Variants in SPOCK1 observed in about 807,000 individuals in gnomAD.
SPOCK1 encodes the protein testican-1.
A neutral mutation model predicts 55.3 loss-of-function variants in SPOCK1; 23 were observed. That is an observed-to-expected ratio of 0.42 (90% confidence interval 0.30 to 0.59). The LOEUF (loss-of-function observed/expected upper bound fraction) is 0.59. Among genes scored for constraint, SPOCK1 ranks in the 20% least tolerant of loss-of-function variants. The pLI is 0.22. For synonymous variants in SPOCK1, 226 were observed against 221.0 expected, an observed-to-expected ratio of 1.02 and a Z score of -0.20; for missense variants, 499 against 552.5, an observed-to-expected ratio of 0.90 and a Z score of 0.97.
chr5:137,327,486 A>G (rs747236982), intron 2 of SPOCK1, among the ~76,000 whole-genome samples: 2 of 152,212 alleles, frequency 1.3e-5, no homozygotes, highest in East Asian at 1.9e-4. Context: ...CAATACAACT[A>G]TATCTATTTT....
chr5:137,370,408 C>T (rs2092461947), intron 2 of SPOCK1, among the ~76,000 whole-genome samples: 1 of 152,294 alleles, frequency 6.6e-6, no homozygotes, highest in East Asian at 1.9e-4. Flanking sequence ...GCTAATAAGG[C>T]TCTAACAGGC....
intron 2 of SPOCK1, among the ~76,000 whole-genome samples, chr5:137,270,774 G>A (rs754906938): frequency 6.6e-5 from 10 of 152,126 alleles, no homozygotes; most frequent in Non-Finnish European, 8.8e-5. Flanking sequence ...AGGCTGAGGT[G>A]GGTGGATCAC....
chr5:137,162,693 T>C (rs1373682287), intron 3 of SPOCK1, among the ~76,000 whole-genome samples: 4 of 152,148 alleles, frequency 2.6e-5, no homozygotes, highest in Admixed American at 6.5e-5. Context: ...TCTGTAGTTA[T>C]AAAGTCGACA....
intron 3 of SPOCK1, among the ~76,000 whole-genome samples, chr5:137,224,440 G>T (rs928812479): frequency 1.3e-5 from 2 of 152,170 alleles, no homozygotes; most frequent in African/African-American, 4.8e-5. Flanking sequence ...GGTCCATAAG[G>T]AGAAAACAGC....
chr5:137,262,685 G>T (rs529581859), intron 3 of SPOCK1, among the ~76,000 whole-genome samples: 18 of 152,308 alleles, frequency 1.2e-4, no homozygotes, highest in Non-Finnish European at 2.2e-4. Context: ...CAATAATGGG[G>T]ATCTGGAGTG....
chr5:137,189,825 A>G (rs891131101), intron 3 of SPOCK1, among the ~76,000 whole-genome samples: 1 of 152,148 alleles, frequency 6.6e-6, no homozygotes, highest in Non-Finnish European at 1.5e-5. Flanking sequence ...TCTATATGCC[A>G]TTAAATACAT....
intron 4 of SPOCK1, among the ~76,000 whole-genome samples, chr5:137,135,546 A>G (rs1753967641): frequency 6.6e-6 from 1 of 152,216 alleles, no homozygotes; most frequent in South Asian, 2.1e-4. Context: ...CCCATTTACC[A>G]ATGGGATCCT....
At chr5:137,175,579 G>T (rs542420714) in intron 3 of SPOCK1, among the ~76,000 whole-genome samples, 1 of 152,186 alleles carries the variant, frequency 6.6e-6, no homozygotes, top group Non-Finnish European at 1.5e-5. Context: ...CAGGCTTTGG[G>T]TTCTAATCCC....
At position 137,360,750 on chromosome 5, in the gene SPOCK1, A is replaced by C. The variant is rs552902553; in HGVS notation, c.187-93695T>G. 4.6e-5 allele frequency among the ~76,000 whole-genome samples: 7 copies of C among 152,330 alleles called. No homozygotes were observed. The South Asian group carries it at 1.4e-3, about 32-fold the overall frequency. The stretch of plus-strand genomic sequence containing the variant: ...CTCAGAAGACTGTCTACCATCCCAA[A>C]GAAAGCTGGTAGATCAGGGTTTCTC... On this transcript the variant is annotated intron_variant, in intron 2 of 10. Transcript: ENST00000394945.
intron 6 of SPOCK1, among the ~76,000 whole-genome samples, chr5:137,038,911 G>A (rs900184266): frequency 7.9e-5 from 12 of 152,064 alleles, no homozygotes; most frequent in African/African-American, 2.9e-4. Context: ...CTATATGTCC[G>A]GCATATAGTA....
At chr5:137,106,417 A>G (rs1753368602) in intron 5 of SPOCK1, among the ~76,000 whole-genome samples, 1 of 152,198 alleles carries the variant, frequency 6.6e-6, no homozygotes, top group African/African-American at 2.4e-5. Context: ...AAAGGATTCC[A>G]GAAGTGCTGG....
chr5:137,191,366 C>T (rs969364944), intron 3 of SPOCK1, among the ~76,000 whole-genome samples: 2 of 151,700 alleles, frequency 1.3e-5, no homozygotes, highest in African/African-American at 4.9e-5. Context: ...GCTAAGCAAA[C>T]CACAGGATCT....
rs1263820341 is a variant in SPOCK1, at chr5:137,430,665, T to C, written c.186+67708A>G. ...ATGTCTTCCTTGGTTGGAGAAGATT[T>C]TGACATAAAATTTGTTTCCAGTTAA... is the stretch of plus-strand genomic sequence containing the variant. On this transcript the variant is annotated intron_variant, in intron 2 of 10. Coordinates refer to ENST00000394945, the MANE Select transcript of SPOCK1 (RefSeq NM_004598.4). 2.0e-5 allele frequency among the ~76,000 whole-genome samples: 3 copies of C among 152,344 alleles called. No homozygotes were observed. The East Asian group carries it at 5.8e-4, about 29-fold the overall frequency.
rs568745952 is a variant in SPOCK1, at chr5:137,485,922, G to T, written c.186+12451C>A. Among the ~76,000 whole-genome samples the T allele has an allele frequency of 4.6e-5, 7 of 152,274 alleles. No individual in the cohort carries two copies. In the South Asian group the frequency reaches 1.5e-3, roughly 32 times the overall value. ...ATTCTATCTCCTGATCTGGCTGTTT[G>T]GGTGTGTTCACTTTGAGAAACTGCA... On this transcript the variant is annotated intron_variant, in intron 2 of 10. Coordinates refer to ENST00000394945, the MANE Select transcript of SPOCK1 (RefSeq NM_004598.4).
rs929713683 is a variant in SPOCK1, at chr5:137,198,036, C to T, written c.233-57342G>A. Among the ~76,000 whole-genome samples, 5 of 152,138 alleles carry T rather than the reference C, an allele frequency of 3.3e-5. No individual in the cohort carries two copies. In the East Asian group the frequency reaches 5.8e-4, roughly 18 times the overall value. On this transcript the variant is annotated intron_variant, in intron 3 of 10. Transcript: ENST00000394945. ...TATAGACATAATAGAGTGTTTTTTT[C>T]GTTATATTGACATCAGTATTTTTCT...
intron 2 of SPOCK1, among the ~76,000 whole-genome samples, chr5:137,402,299 C>T (rs1195006887): frequency 2.6e-5 from 4 of 152,286 alleles, no homozygotes; most frequent in East Asian, 1.9e-4. Flanking sequence ...TCTAGTTCAT[C>T]GGAGGTTAAT....
At chr5:137,422,003 A>C (rs1026974021) in intron 2 of SPOCK1, among the ~76,000 whole-genome samples, 7 of 152,110 alleles carry the variant, frequency 4.6e-5, no homozygotes, top group African/African-American at 1.7e-4. Flanking sequence ...GTAGTGACAA[A>C]ATCTCTCAGC....
At chr5:137,405,488 G>A (rs943250692) in intron 2 of SPOCK1, among the ~76,000 whole-genome samples, 7 of 152,102 alleles carry the variant, frequency 4.6e-5, no homozygotes, top group African/African-American at 1.7e-4. Flanking sequence ...CCTGCGGGTA[G>A]CCCAGGGCTG....
chr5:137,411,728 G>A (rs1323858043), intron 2 of SPOCK1, among the ~76,000 whole-genome samples: 1 of 152,114 alleles, frequency 6.6e-6, no homozygotes, highest in Non-Finnish European at 1.5e-5. Flanking sequence ...ATCTCACCAG[G>A]GCCTTGTGAG....
Sources: gnomAD v4.1 joint callset for allele counts (sites outside exome capture counted in the v4.1 genomes callset) on GRCh38, gnomAD v4.1.1 for gene constraint, MANE v1.5 for transcripts, NCBI Gene and HGNC (gene_info 2026-07-23, HGNC 2026-07-21) for gene names.